PPP2R5E: variants seen among roughly 807,000 people sequenced by gnomAD.
PPP2R5E encodes the protein serine/threonine-protein phosphatase 2A 56 kDa regulatory subunit epsilon isoform.
A neutral mutation model predicts 65.3 loss-of-function variants in PPP2R5E; 4 were observed. The ratio of observed to expected loss-of-function variants is 0.06; its 90% CI spans 0.03 to 0.14. PPP2R5E has a LOEUF of 0.14. Among genes scored for constraint, PPP2R5E ranks in the 10% least tolerant of loss-of-function variants. PPP2R5E has a pLI of 1.00. For synonymous variants in PPP2R5E, 183 were observed against 187.4 expected (o/e 0.98, Z 0.19); for missense variants, 274 against 556.1 (o/e 0.49, Z 5.10).
intron 2 of PPP2R5E, among the ~76,000 whole-genome samples, chr14:63,461,640 T>TAA (rs199591299): frequency 3.6e-5 from 5 of 139,802 alleles, no homozygotes; most frequent in South Asian, 2.3e-4. Context: ...CTACAAAATT[T>TAA]AAAAAAAAAA....
intron 12 of PPP2R5E, 100 bp from the exon 13 acceptor site, chr14:63,382,257 G>T (rs146320785): frequency 6.5e-6 from 5 of 774,178 alleles, no homozygotes; most frequent in African/African-American, 1.7e-5. Context: ...ATGATTTCTC[G>T]TACTGCACAC....
chr14:63,453,714 T>A lies in PPP2R5E; in HGVS notation c.329A>T (p.Gln110Leu). 1 of 1,613,948 alleles carries A rather than the reference T, an allele frequency of 6.2e-7. No individual in the cohort carries two copies. The highest frequency in any genetic ancestry group is 8.5e-7 in the Non-Finnish European group (1 of 1,179,970). Residue 110 changes from glutamine to leucine, a missense_variant, in exon 3 of 14, where the codon CAG becomes CTG. Physicochemically the swap from Gln to Leu is moderately radical, Grantham distance 113. This residue lies in a region of PPP2R5E where 51 missense variants were observed against 101.1 expected (regional missense o/e 0.50). Transcript: ENST00000337537. ...ITISRGCLTE[Q>L]TYPEVVRMVS... is the part of the protein sequence containing the mutation. ...CATTCTAACTACTTCAGGGTAAGTC[T>A]GCTCTGTCAAACAGCCTCTGCTTAT...
intron 5 of PPP2R5E, among the ~76,000 whole-genome samples, chr14:63,414,619 A>G (rs760515844): frequency 6.6e-6 from 1 of 152,350 alleles, no homozygotes; most frequent in African/African-American, 2.4e-5. Flanking sequence ...AGATGTTCCA[A>G]ATGGAGACAT....
intron 8 of PPP2R5E, 24 bp downstream of exon 8, chr14:63,393,796 A>G (rs755826901): frequency 7.0e-7 from 1 of 1,423,758 alleles, no homozygotes; most frequent in Non-Finnish European, 9.8e-7. Flanking sequence ...TGCTTCTAAA[A>G]GTAGTTGTAC....
At chr14:63,399,366 CTTTTTTTTTTTTTTTTTT>C (rs397814218) in intron 5 of PPP2R5E, among the ~76,000 whole-genome samples, 14 of 48,522 alleles carry the variant, frequency 2.9e-4, no homozygotes, top group South Asian at 1.1e-3. Flanking sequence ...GGATTTCTTT[CTTTTTTTTTTTTTTTTTT>C]TTTTTTTTTT....
At chr14:63,481,799 T>C (rs909261067) in intron 2 of PPP2R5E, among the ~76,000 whole-genome samples, 1 of 152,200 alleles carries the variant, frequency 6.6e-6, no homozygotes, top group African/African-American at 2.4e-5. Flanking sequence ...AAATGATATA[T>C]TTTTAAAGTA....
intron 2 of PPP2R5E, among the ~76,000 whole-genome samples, chr14:63,468,545 A>C (rs1418745936): frequency 6.6e-6 from 1 of 152,200 alleles, no homozygotes; most frequent in Non-Finnish European, 1.5e-5. Context: ...AATGAATGAC[A>C]AACAGAGCAT....
At position 63,514,064 on chromosome 14, in the gene PPP2R5E, C is replaced by G. The variant is rs17101273; in HGVS notation, c.157+25465G>C. 8.3e-3 allele frequency among the ~76,000 whole-genome samples: 1,259 copies of G among 152,294 alleles called. 15 individuals carry two copies. The highest frequency in any genetic ancestry group is 0.031 in the Middle Eastern group (9 of 294). ...GTGAACCAGCAAATGTCTGTCCAGT[C>G]TAAGCCCCAGATATGACAGGAAACT... On this transcript the variant is annotated intron_variant, in intron 2 of 13. Coordinates refer to ENST00000337537, the MANE Select transcript of PPP2R5E (RefSeq NM_006246.5).
intron 5 of PPP2R5E, among the ~76,000 whole-genome samples, chr14:63,408,952 C>A (rs1419055876): frequency 6.6e-6 from 1 of 152,032 alleles, no homozygotes; most frequent in Admixed American, 6.5e-5. Flanking sequence ...AAAATTAGGG[C>A]CGGGCTTGGT....
intron 2 of PPP2R5E, among the ~76,000 whole-genome samples, chr14:63,464,144 A>C (rs1453118363): frequency 6.6e-6 from 1 of 152,204 alleles, no homozygotes; most frequent in African/African-American, 2.4e-5. Context: ...CCAAATATTC[A>C]TTGAACACCC....
Position 63,542,869 on chromosome 14 carries a change from G to T in PPP2R5E, c.-98C>A. ...TGGCCGCAGCGGGGGCGGGCGGCGG[G>T]ACCGGGACGTGCAGGGGGAGGTCCG... On this transcript the variant is annotated 5_prime_UTR_variant, in exon 1 of 14. Transcript: ENST00000337537. The T allele has an allele frequency of 1.3e-5, 2 of 153,198 alleles. No individual in the cohort carries two copies. Among genetic ancestry groups the T allele is most frequent in the South Asian group, 3.9e-4 (2 of 5,132 alleles). The allele number at this position is 153,198 out of a possible 1,614,324, so 9.5% of individuals were successfully genotyped here. A position where few individuals can be genotyped will look rare whatever the true frequency, so the allele number is the denominator to read the frequency against.
intron 10 of PPP2R5E, among the ~76,000 whole-genome samples, chr14:63,390,075 CT>C (rs578202083): frequency 7.4e-5 from 11 of 149,282 alleles, no homozygotes; most frequent in African/African-American, 2.0e-4. Flanking sequence ...TTCCACAACA[CT>C]TTTTTTTTTA....
At position 63,403,866 on chromosome 14, in the gene PPP2R5E, A is replaced by G. The variant is rs1220787710; in HGVS notation, c.550-7150T>C. Among the ~76,000 whole-genome samples the G allele has an allele frequency of 2.6e-5, 4 of 152,286 alleles. No individual in the cohort carries two copies. The South Asian group carries it at 8.3e-4, about 32-fold the overall frequency. ...GAATGAACAACATGTATACAATAGTACTCATCTATCATGTGATTCATTCAA... is the reference window on the plus strand; with the variant it reads ...GAATGAACAACATGTATACAATAGTGCTCATCTATCATGTGATTCATTCAA... On this transcript the variant is annotated intron_variant, in intron 5 of 13. Transcript: ENST00000337537.
intron 2 of PPP2R5E, among the ~76,000 whole-genome samples, chr14:63,515,008 C>T (rs1892608960): frequency 6.6e-6 from 1 of 152,130 alleles, no homozygotes. Context: ...ATAACTCTAC[C>T]CTGCTGAACA....
intron 2 of PPP2R5E, among the ~76,000 whole-genome samples, chr14:63,525,745 T>C (rs760841319): frequency 6.6e-6 from 1 of 152,254 alleles, no homozygotes; most frequent in Non-Finnish European, 1.5e-5. Flanking sequence ...TGTGATACTC[T>C]TTAAACTGGT....
intron 11 of PPP2R5E, among the ~76,000 whole-genome samples, chr14:63,388,717 A>G (rs1884827383): frequency 6.6e-6 from 1 of 152,226 alleles, no homozygotes; most frequent in African/African-American, 2.4e-5. Flanking sequence ...AGAAATCAAA[A>G]CAACAGCAGC....
chr14:63,386,480 T>C lies in PPP2R5E; in HGVS notation c.1075-1909A>G, dbSNP rs1594813582. Reference sequence around the variant, plus strand: ...TGTTATCCCTAAAGAGTTCGCACACTGGTGGGAGAAGGGGCATCTACAAGC... The same window carrying C: ...TGTTATCCCTAAAGAGTTCGCACACCGGTGGGAGAAGGGGCATCTACAAGC... On this transcript the variant is annotated intron_variant, in intron 11 of 13. Transcript: ENST00000337537. 2.0e-5 allele frequency among the ~76,000 whole-genome samples: 3 copies of C among 152,266 alleles called. No homozygotes were observed. The South Asian group carries it at 6.2e-4, about 32-fold the overall frequency.
chr14:63,403,637 GAA>G (rs746448979), intron 5 of PPP2R5E, among the ~76,000 whole-genome samples: 8 of 107,376 alleles, frequency 7.5e-5, no homozygotes, highest in Admixed American at 1.9e-4. Flanking sequence ...AGGTCTCCAA[GAA>G]AAAAAAAAAA....
intron 3 of PPP2R5E, among the ~76,000 whole-genome samples, chr14:63,441,792 C>T (rs1486668149): frequency 5.3e-5 from 8 of 151,878 alleles, no homozygotes; most frequent in African/African-American, 1.9e-4. Context: ...CACCTGTAGT[C>T]CCAGCTACTC....
Sources: gnomAD v4.1 joint callset for allele counts (sites outside exome capture counted in the v4.1 genomes callset) on GRCh38, gnomAD v4.1.1 for gene constraint, gnomAD v4.1.1 regional missense constraint, MANE v1.5 for transcripts, NCBI Gene and HGNC (gene_info 2026-07-23, HGNC 2026-07-21) for gene names.